Variants in PRKCZ observed in about 807,000 individuals in gnomAD.
PRKCZ encodes protein kinase C zeta.
PRKCZ carries 33 observed loss-of-function variants against 79.5 expected under a neutral mutation model. That is an observed-to-expected ratio of 0.41 (90% confidence interval 0.31 to 0.55). PRKCZ has a LOEUF of 0.55. PRKCZ is among the 20% of genes least tolerant of loss of function. PRKCZ has a pLI of 0.19. For synonymous variants in PRKCZ, 342 were observed against 320.9 expected, an observed-to-expected ratio of 1.07 and a Z score of -0.70; for missense variants, 578 against 813.5, an observed-to-expected ratio of 0.71 and a Z score of 3.52.
intron 4 of PRKCZ, among the ~76,000 whole-genome samples, chr1:2,104,126 C>T (rs1436773481): frequency 2.0e-5 from 3 of 151,964 alleles, no homozygotes; most frequent in African/African-American, 7.3e-5. Context: ...TGTAAGGAGA[C>T]TGTCTCGGTT....
intron 4 of PRKCZ, among the ~76,000 whole-genome samples, chr1:2,119,644 C>T (rs1018212065): frequency 1.6e-4 from 25 of 152,262 alleles, no homozygotes; most frequent in African/African-American, 5.8e-4. Context: ...GACAGTGGTC[C>T]TTCAGATTTA....
intron 4 of PRKCZ, among the ~76,000 whole-genome samples, chr1:2,066,698 T>C (rs1661151699): frequency 6.6e-6 from 1 of 152,246 alleles, no homozygotes; most frequent in Admixed American, 6.5e-5. Context: ...GTTCTTTTTC[T>C]GGTTCCTTGA....
intron 4 of PRKCZ, among the ~76,000 whole-genome samples, chr1:2,120,571 C>T (rs1671693591): frequency 6.6e-6 from 1 of 151,934 alleles, no homozygotes; most frequent in Non-Finnish European, 1.5e-5. Context: ...GCTGGGATTA[C>T]AGGTGTGAGC....
chr1:2,078,922 A>G (rs1662947534), intron 4 of PRKCZ, among the ~76,000 whole-genome samples: 1 of 148,608 alleles, frequency 6.7e-6, no homozygotes, highest in African/African-American at 2.5e-5. Flanking sequence ...GGCTCACTGC[A>G]ACCTCCACCT....
intron 4 of PRKCZ, among the ~76,000 whole-genome samples, chr1:2,063,341 C>T (rs1381846593): frequency 1.3e-5 from 2 of 152,230 alleles, no homozygotes; most frequent in Non-Finnish European, 2.9e-5. Context: ...GAGATAGCGT[C>T]TCGCTCTGTC....
chr1:2,072,019 T>C (rs957895747), intron 4 of PRKCZ, among the ~76,000 whole-genome samples: 18 of 152,254 alleles, frequency 1.2e-4, no homozygotes, highest in Non-Finnish European at 2.2e-4. Flanking sequence ...ATTAAAAGCG[T>C]AGAAATCCTA....
At chr1:2,099,013 T>G (rs1359932979) in intron 4 of PRKCZ, among the ~76,000 whole-genome samples, 1 of 152,204 alleles carries the variant, frequency 6.6e-6, no homozygotes, top group Admixed American at 6.5e-5. Context: ...CTGGGCCTGA[T>G]CGCATGCACC....
chr1:2,171,299 G>A lies in PRKCZ; in HGVS notation c.1062-756G>A, dbSNP rs552317197. Among the ~76,000 whole-genome samples the A allele has an allele frequency of 2.7e-3, 385 of 142,574 alleles. 3 individuals are homozygous for A. Among genetic ancestry groups the A allele is most frequent in the South Asian group, 7.1e-3 (31 of 4,378 alleles). 93.5% of individuals were successfully genotyped at this position (142,574 alleles called of 152,430 possible). A position where few individuals can be genotyped will look rare whatever the true frequency, so the allele number is the denominator to read the frequency against. On this transcript the variant is annotated intron_variant, in intron 11 of 17. Transcript: ENST00000378567. ...AGAGCTTACAGTGAGCCAAGATCGC[G>A]CCATTGCACTCCAGCCTGGGTGACA... is the stretch of plus-strand genomic sequence containing the variant.
At chr1:2,142,495 A>T (rs1426885028) in intron 5 of PRKCZ, 3 of 291,570 alleles carry the variant, frequency 1.0e-5, no homozygotes, top group African/African-American at 6.9e-5. Flanking sequence ...CACATCCAGC[A>T]GGTGCCGACT....
intron 4 of PRKCZ, among the ~76,000 whole-genome samples, chr1:2,102,605 T>A (rs575437596): frequency 1.3e-5 from 2 of 152,340 alleles, no homozygotes; most frequent in African/African-American, 2.4e-5. Flanking sequence ...GTGCTAGGAT[T>A]ACAGGTGTGA....
intron 9 of PRKCZ, among the ~76,000 whole-genome samples, chr1:2,155,460 ATGG>A (rs1245334069): frequency 1.3e-5 from 2 of 148,776 alleles, no homozygotes; most frequent in East Asian, 2.0e-4. Flanking sequence ...GGTGGTGGTG[ATGG>A]TGATGATGAC....
intron 4 of PRKCZ, among the ~76,000 whole-genome samples, chr1:2,086,357 C>T (rs1401840982): frequency 2.0e-5 from 3 of 152,074 alleles, no homozygotes; most frequent in East Asian, 3.9e-4. Context: ...CTCCAGGCCT[C>T]AGCCTCCCTA....
chr1:2,076,480 C>T (rs893639045), intron 4 of PRKCZ, among the ~76,000 whole-genome samples: 3 of 152,294 alleles, frequency 2.0e-5, no homozygotes, highest in South Asian at 2.1e-4. Context: ...CAGTGGCTCA[C>T]GCCTGTATTA....
In PRKCZ at chr1:2,059,580, C is replaced by G; in HGVS notation, c.323C>G (p.Pro108Arg). The G allele has an allele frequency of 6.2e-7, 1 of 1,614,212 alleles. No homozygotes were observed. Among genetic ancestry groups the G allele is most frequent in the East Asian group, 2.2e-5 (1 of 44,890 alleles). The change falls in exon 4 of 18, where the codon CCG becomes CGG. Residue 108 changes from proline (P) to arginine (R), a missense_variant. By Grantham distance (103) the Pro-to-Arg change is moderately radical. This residue lies in a region of PRKCZ where 228 missense variants were observed against 211.6 expected (regional missense o/e 1.08). Coordinates refer to ENST00000378567, the MANE Select transcript of PRKCZ (RefSeq NM_002744.6). ...CCTGAGCAGCCTGGCCTGCCATGTCCGGGAGAAGACAGTGAGTACTGGGGT... is the reference window on the plus strand; with the variant it reads ...CCTGAGCAGCCTGGCCTGCCATGTCGGGGAGAAGACAGTGAGTACTGGGGT... Reference protein sequence around the residue: ...STPEQPGLPCPGEDKSIYRRG... With the variant: ...STPEQPGLPCRGEDKSIYRRG...
rs1421671433 is a variant in PRKCZ, at chr1:2,125,522, G to T, written c.335-9740G>T. Among the ~76,000 whole-genome samples the T allele has an allele frequency of 6.6e-6, 1 of 152,170 alleles. No individual in the cohort carries two copies. Among genetic ancestry groups the T allele is most frequent in the Non-Finnish European group, 1.5e-5 (1 of 68,024 alleles). On this transcript the variant is annotated intron_variant, in intron 4 of 17. Transcript: ENST00000378567. This position sits in a 1 kb window ranked among gnomAD's most constrained non-coding sequence, Gnocchi z 4.2. ...TTGGGAACTGGAGGCTTTGGCCCTT[G>T]TCCCACCCCTGCTCCCCTGAGGAGG...
chr1:2,057,394 A>T (rs1660268505), intron 3 of PRKCZ, among the ~76,000 whole-genome samples: 1 of 152,070 alleles, frequency 6.6e-6, no homozygotes. Context: ...CTCTGTGTCC[A>T]CTTCTGGCGT....
chr1:2,107,878 C>T (rs1248130172), intron 4 of PRKCZ, among the ~76,000 whole-genome samples: 7 of 151,742 alleles, frequency 4.6e-5, no homozygotes, highest in Non-Finnish European at 5.9e-5. Flanking sequence ...CCCAACACCC[C>T]GGCAGTGTCC....
chr1:2,081,983 G>A (rs771280163), intron 4 of PRKCZ, among the ~76,000 whole-genome samples: 2 of 151,138 alleles, frequency 1.3e-5, no homozygotes, highest in Non-Finnish European at 2.9e-5. Context: ...CTCTTTTTTC[G>A]GAAATGTGTT....
chr1:2,099,746 C>A (rs568159962), intron 4 of PRKCZ, among the ~76,000 whole-genome samples: 1 of 152,308 alleles, frequency 6.6e-6, no homozygotes, highest in East Asian at 1.9e-4. Flanking sequence ...GTTAGTTGCA[C>A]ATTTCATGAC....
Sources: gnomAD v4.1 joint callset for allele counts (sites outside exome capture counted in the v4.1 genomes callset) on GRCh38, gnomAD v4.1.1 for gene constraint, gnomAD v4.1.1 regional missense constraint, Gnocchi (gnomAD v3.1) non-coding constraint, MANE v1.5 for transcripts, NCBI Gene and HGNC (gene_info 2026-07-23, HGNC 2026-07-21) for gene names.